MS4A4A: variants seen among roughly 807,000 people sequenced by gnomAD.
The protein encoded by MS4A4A is membrane spanning 4-domains A4A.
A neutral mutation model predicts 28.0 loss-of-function variants in MS4A4A; 26 were observed. The ratio of observed to expected loss-of-function variants is 0.93; its 90% CI spans 0.68 to 1.29. The LOEUF is 1.29. Ranked by LOEUF, MS4A4A falls within the 50% of genes most tolerant of loss-of-function variation. The pLI, the probability that MS4A4A is intolerant of heterozygous loss-of-function variation, is 0.00. For missense variants in MS4A4A, 290 were observed against 293.1 expected, an observed-to-expected ratio of 0.99 and a Z score of 0.08; for synonymous variants, 86 against 100.8, an observed-to-expected ratio of 0.85 and a Z score of 0.88.
chr11:60,302,829 T>A, intron 5 of MS4A4A, 112 bp downstream of exon 5: 1 of 992,400 alleles, frequency 1.0e-6, no homozygotes, highest in Non-Finnish European at 1.5e-6. Flanking sequence ...CTTTGGGAAG[T>A]TGGAGTGATT....
chr11:60,290,181 T>C (rs1050317361), intron 1 of MS4A4A: 10 of 373,680 alleles, frequency 2.7e-5, no homozygotes, highest in Non-Finnish European at 4.5e-5. Context: ...TTCTCAGAAC[T>C]ATACTTTTCC....
At chr11:60,297,837 C>T (rs1402200610) in intron 3 of MS4A4A, among the ~76,000 whole-genome samples, 5 of 152,146 alleles carry the variant, frequency 3.3e-5, no homozygotes, top group Admixed American at 3.3e-4. Context: ...TGGGAGGAGT[C>T]TACCCTACCT....
At chr11:60,306,675 G>T (rs1320975914) in intron 6 of MS4A4A, among the ~76,000 whole-genome samples, 2 of 152,096 alleles carry the variant, frequency 1.3e-5, no homozygotes, top group East Asian at 3.8e-4. Flanking sequence ...GAATCACAAG[G>T]GTTCAGTGAG....
intron 1 of MS4A4A, among the ~76,000 whole-genome samples, chr11:60,291,635 T>C (rs1322101279): frequency 2.0e-5 from 3 of 151,674 alleles, no homozygotes; most frequent in Non-Finnish European, 4.4e-5. Flanking sequence ...CTGTCTCTAC[T>C]AAAAATACAA....
intron 6 of MS4A4A, 79 bp from the exon 7 acceptor site, chr11:60,308,028 G>C: frequency 8.2e-7 from 1 of 1,222,614 alleles, no homozygotes; most frequent in Non-Finnish European, 1.2e-6. Flanking sequence ...CTCTGATAAT[G>C]ATGACTTTAT....
At chr11:60,285,282 T>C (rs985227585) in intron 1 of MS4A4A, among the ~76,000 whole-genome samples, 2 of 152,096 alleles carry the variant, frequency 1.3e-5, no homozygotes, top group East Asian at 1.9e-4. Flanking sequence ...GACGGGAAGA[T>C]CACTTGAGCC....
chr11:60,283,578 G>T (rs1279202544), intron 1 of MS4A4A, among the ~76,000 whole-genome samples: 1 of 152,172 alleles, frequency 6.6e-6, no homozygotes, highest in Non-Finnish European at 1.5e-5. Flanking sequence ...TTTTGAGGAA[G>T]ACTGGATGTC....
intron 5 of MS4A4A, 56 bp from the exon 6 acceptor site, chr11:60,306,044 T>A: frequency 7.1e-7 from 1 of 1,417,986 alleles, no homozygotes; most frequent in Non-Finnish European, 9.9e-7. Flanking sequence ...TACTGGGAAA[T>A]GTTTTCACTT....
rs574406617 is a variant in MS4A4A, at chr11:60,283,754, T to A, written c.41+3038T>A. On this transcript the variant is annotated intron_variant, in intron 1 of 6. Transcript: ENST00000337908. ...AAAATTTGAGGATGTGGATTAAATG[T>A]AAGACCAAAAATAAGACCTATTTTA... Among the ~76,000 whole-genome samples, 509 of 152,330 alleles carry A rather than the reference T, an allele frequency of 3.3e-3. 2 individuals are homozygous for A. Among genetic ancestry groups the A allele is most frequent in the Non-Finnish European group, 4.6e-3 (312 of 68,020 alleles).
rs751381797 is a variant in MS4A4A at position 60,297,246 on chromosome 11, T to A, written c.251T>A (p.Met84Lys). Residue 84 changes from methionine (M) to lysine (K), a missense_variant, in exon 3 of 7, where the codon ATG becomes AAG. By Grantham distance (95) the Met-to-Lys change is moderately conservative (BLOSUM62 -1). Coordinates refer to ENST00000337908, the MANE Select transcript of MS4A4A (RefSeq NM_148975.3). ...ATGAGCCTTAGCATGGGAATAACAA[T>A]GATGTGTATGGCATCTAATACTTAT... ...ALMSLSMGITMMCMASNTYGS... is the reference protein window; with the variant it reads ...ALMSLSMGITKMCMASNTYGS... 6.2e-7 allele frequency: 1 copy of A among 1,613,652 alleles called. No homozygotes were observed. Among genetic ancestry groups the A allele is most frequent in the South Asian group, 1.1e-5 (1 of 91,078 alleles).
chr11:60,304,520 G>A (rs1399656849), intron 5 of MS4A4A, among the ~76,000 whole-genome samples: 2 of 152,178 alleles, frequency 1.3e-5, no homozygotes, highest in East Asian at 3.8e-4. Flanking sequence ...ACCTCCATAA[G>A]GGCTTCCTGG....
chr11:60,291,720 C>A (rs1331092581), intron 1 of MS4A4A, among the ~76,000 whole-genome samples: 1 of 151,166 alleles, frequency 6.6e-6, no homozygotes, highest in Non-Finnish European at 1.5e-5. Flanking sequence ...ATCGTTTGAA[C>A]CCAGGAGGCA....
chr11:60,307,455 GT>G (rs1372931557), intron 6 of MS4A4A, among the ~76,000 whole-genome samples: 1 of 152,162 alleles, frequency 6.6e-6, no homozygotes, highest in Non-Finnish European at 1.5e-5. Flanking sequence ...TGAGTGAAAC[GT>G]TTGGACATGG....
intron 1 of MS4A4A, among the ~76,000 whole-genome samples, chr11:60,287,845 T>C (rs1174058353): frequency 1.3e-5 from 2 of 152,014 alleles, no homozygotes; most frequent in African/African-American, 4.8e-5. Context: ...AAGAAAAAGG[T>C]GTAAGTGGTT....
chr11:60,303,874 A>C (rs1218033404), intron 5 of MS4A4A, among the ~76,000 whole-genome samples: 1 of 152,224 alleles, frequency 6.6e-6, no homozygotes, highest in Non-Finnish European at 1.5e-5. Context: ...CTTACTAAGC[A>C]GAATCAGTTG....
At chr11:60,301,384 T>C (rs932627693) in intron 4 of MS4A4A, among the ~76,000 whole-genome samples, 8 of 152,176 alleles carry the variant, frequency 5.3e-5, no homozygotes, top group African/African-American at 1.9e-4. Context: ...CACCAAGCAT[T>C]GGTGTTGTGT....
rs141321004 is a variant in MS4A4A, at chr11:60,290,802, T to C, written c.42-1423T>C. Among the ~76,000 whole-genome samples the C allele has an allele frequency of 3.0e-4, 45 of 152,268 alleles. No homozygotes were observed. The East Asian group carries it at 7.9e-3, about 27-fold the overall frequency. On this transcript the variant is annotated intron_variant, in intron 1 of 6. Coordinates refer to ENST00000337908, the MANE Select transcript of MS4A4A (RefSeq NM_148975.3). ...GACTTTAATCAGTTTTATTGTTAGA[T>C]AGCTAATAATTTATTTCCATTGATG...
At chr11:60,303,640 G>A (rs752898671) in intron 5 of MS4A4A, among the ~76,000 whole-genome samples, 5 of 152,068 alleles carry the variant, frequency 3.3e-5, no homozygotes, top group African/African-American at 4.8e-5. Flanking sequence ...GCTGGGAGGC[G>A]GAGGTTGCAG....
chr11:60,281,834 T>C (rs2084757667), intron 1 of MS4A4A, among the ~76,000 whole-genome samples: 1 of 152,190 alleles, frequency 6.6e-6, no homozygotes, highest in South Asian at 2.1e-4. Context: ...CTTAAGAGCC[T>C]GATGCATATA....
Sources: allele counts gnomAD v4.1 joint callset (sites outside exome capture counted in the v4.1 genomes callset), GRCh38; gene constraint gnomAD v4.1.1; transcripts MANE v1.5; gene names NCBI Gene and HGNC (gene_info 2026-07-23, HGNC 2026-07-21).